The following PTCH1 variants were observed in gnomAD, a reference collection of about 807,000 sequenced individuals.
The protein encoded by PTCH1 is protein patched homolog 1.
A neutral mutation model predicts 144.6 loss-of-function variants in PTCH1; 14 were observed. The observed-to-expected ratio is 0.10, with a 90% CI of 0.06 to 0.15. The LOEUF is 0.15. PTCH1 is among the 10% of genes least tolerant of loss of function. The pLI is 1.00. For missense variants in PTCH1, 1,623 were observed against 1,948.3 expected (o/e 0.83, Z 3.14); for synonymous variants, 833 against 793.6 (o/e 1.05, Z -0.83).
chr9:95,478,593 G>A (rs752107574), intron 8 of PTCH1, among the ~76,000 whole-genome samples: 6 of 152,276 alleles, frequency 3.9e-5, no homozygotes, highest in East Asian at 1.9e-4. Context: ...CTTTTAAAAG[G>A]TCACATGCAG....
chr9:95,506,195 G>A (rs191867316), intron 2 of PTCH1: 6 of 409,444 alleles, frequency 1.5e-5, no homozygotes, highest in Middle Eastern at 7.5e-4. Flanking sequence ...ACCACACCTC[G>A]GCCGGCGCAG....
chr9:95,453,405 C>T (rs1407931507), intron 20 of PTCH1, 73 bp downstream of exon 20: 13 of 1,602,780 alleles, frequency 8.1e-6, no homozygotes, highest in Admixed American at 1.7e-5. Context: ...GCTGGGATTA[C>T]AGGCGTGAGC....
chr9:95,447,588 A>G lies in PTCH1; in HGVS notation c.3805-137T>C. ...AGCCAATGGGGGCCTTCCACCCACAAAAGAAAAGCCTGTCCTTCTAATAAC... is the reference window on the plus strand; with the variant it reads ...AGCCAATGGGGGCCTTCCACCCACAGAAGAAAAGCCTGTCCTTCTAATAAC... On this transcript the variant is annotated intron_variant, in intron 22 of 23. Transcript: ENST00000331920. The G allele has an allele frequency of 9.9e-6, 9 of 906,442 alleles. No homozygotes were observed. In the South Asian group the frequency reaches 1.1e-4, roughly 11 times the overall value. The allele number at this position is 906,442 out of a possible 1,614,324, so 56.1% of individuals were successfully genotyped here.
At chr9:95,474,521 T>C (rs1840868701) in intron 12 of PTCH1, among the ~76,000 whole-genome samples, 1 of 152,240 alleles carries the variant, frequency 6.6e-6, no homozygotes, top group South Asian at 2.1e-4. Flanking sequence ...TTTACTTCTA[T>C]ATAAATTTAT....
Position 95,444,452 on chromosome 9 carries a change from G to C in PTCH1, c.*1941C>G, listed in dbSNP as rs943367274. On this transcript the variant is annotated 3_prime_UTR_variant, in exon 24 of 24. Coordinates refer to ENST00000331920, the MANE Select transcript of PTCH1 (RefSeq NM_000264.5). The stretch of plus-strand genomic sequence containing the variant: ...AGACCATGTGGGTGACAGGCACCAA[G>C]ACAGCAGCAGGGGGGTGGCCAGGGT... 1 of 153,552 alleles carries C rather than the reference G, an allele frequency of 6.5e-6. No homozygotes were observed. Among genetic ancestry groups the C allele is most frequent in the African/African-American group, 2.4e-5 (1 of 41,392 alleles). The allele number at this position is 153,552 out of a possible 1,614,324, so 9.5% of individuals were successfully genotyped here. A position where few individuals can be genotyped will look rare whatever the true frequency, so the allele number is the denominator to read the frequency against.
intron 2 of PTCH1, among the ~76,000 whole-genome samples, chr9:95,487,093 C>T (rs1278213725): frequency 6.6e-6 from 1 of 152,122 alleles, no homozygotes; most frequent in African/African-American, 2.4e-5. Flanking sequence ...CTGGGAACAG[C>T]GGGTTGTTTA....
In PTCH1 at chr9:95,449,625, C is replaced by T. The variant is rs1838277346; in HGVS notation, c.3549+216G>A. 1.5e-6 allele frequency: 1 copy of T among 650,864 alleles called. No individual in the cohort carries two copies. The highest frequency in any genetic ancestry group is 1.8e-5 in the African/African-American group (1 of 54,836). The allele number at this position is 650,864 out of a possible 1,614,324, so 40.3% of individuals were successfully genotyped here. A position where few individuals can be genotyped will look rare whatever the true frequency, so the allele number is the denominator to read the frequency against. On this transcript the variant is annotated intron_variant, in intron 21 of 23. Coordinates refer to ENST00000331920, the MANE Select transcript of PTCH1 (RefSeq NM_000264.5). This position sits in a 1 kb window ranked among gnomAD's most constrained non-coding sequence, Gnocchi z 5.3. ...TTACTGTATAAAGATCTGTAAGACC[C>T]AGGCTGCCAATCAGTTGATTTAGAG...
rs556238306 is a variant in PTCH1, at chr9:95,473,754, G to A, written c.1728+2280C>T. On this transcript the variant is annotated intron_variant, in intron 12 of 23. Coordinates refer to ENST00000331920, the MANE Select transcript of PTCH1 (RefSeq NM_000264.5). ...AGACGGGGTTTCACCATGTTGGCCA[G>A]GATGGTCTCGATCTCCTGACCTCGT... Among the ~76,000 whole-genome samples, 4 of 152,222 alleles carry A rather than the reference G, an allele frequency of 2.6e-5. No homozygotes were observed. The East Asian group carries it at 7.7e-4, about 29-fold the overall frequency.
At chr9:95,465,621 T>C (rs1449578048) in intron 15 of PTCH1, among the ~76,000 whole-genome samples, 1 of 152,196 alleles carries the variant, frequency 6.6e-6, no homozygotes, top group Non-Finnish European at 1.5e-5. Context: ...TATGGAACCA[T>C]CCTCTACCAA....
intron 2 of PTCH1, among the ~76,000 whole-genome samples, chr9:95,488,507 T>C (rs1459849662): frequency 6.6e-6 from 1 of 151,980 alleles, no homozygotes; most frequent in African/African-American, 2.4e-5. Context: ...TAACCAAATA[T>C]GAATGTTTTG....
intron 12 of PTCH1, among the ~76,000 whole-genome samples, chr9:95,474,473 G>C (rs1050289242): frequency 2.0e-5 from 3 of 152,150 alleles, no homozygotes; most frequent in Non-Finnish European, 4.4e-5. Flanking sequence ...GCTTTGGTTC[G>C]AGCATCAGAT....
chr9:95,477,968 T>C (rs566400966), intron 9 of PTCH1, 87 bp downstream of exon 9: 2 of 1,597,520 alleles, frequency 1.3e-6, no homozygotes, highest in Admixed American at 3.3e-5. Flanking sequence ...TTAAGAGCAG[T>C]TAAGAAGCAG....
At chr9:95,483,231 C>T (rs1460163030) in intron 3 of PTCH1, 1 of 151,696 alleles carries the variant, frequency 6.6e-6, no homozygotes, top group Non-Finnish European at 1.5e-5. Flanking sequence ...TGCTCCACTG[C>T]ACTCCAGCCT....
At chr9:95,448,311 G>A (rs1838142026) in intron 22 of PTCH1, among the ~76,000 whole-genome samples, 1 of 152,212 alleles carries the variant, frequency 6.6e-6, no homozygotes, top group Non-Finnish European at 1.5e-5. Context: ...TCTGGCCTGG[G>A]ACTGGAATAC....
At chr9:95,511,353 TC>T (rs1362373614), upstream of PTCH1, among the ~76,000 whole-genome samples, 1 of 151,332 alleles carries the variant, frequency 6.6e-6, no homozygotes, top group Non-Finnish European at 1.5e-5. Context: ...CCACCTTCCC[TC>T]CAGCCTCTCC....
At chr9:95,516,546 C>G (rs1389646449) in exon 1 of PTCH1, 5 of 1,540,764 alleles carry the variant, frequency 3.2e-6, no homozygotes, top group Non-Finnish European at 4.4e-6. Flanking sequence ...ACATCAATTC[C>G]TTTTTTTTCC....
At chr9:95,516,820 T>A in exon 1 of PTCH1, 5 of 1,600,576 alleles carry the variant, frequency 3.1e-6, no homozygotes, top group Non-Finnish European at 4.3e-6. Context: ...AGCAGTTCCA[T>A]GGCCCTCGGC....
At chr9:95,488,455 A>G (rs1842144978) in intron 2 of PTCH1, among the ~76,000 whole-genome samples, 6 of 152,188 alleles carry the variant, frequency 3.9e-5, no homozygotes, top group Admixed American at 3.9e-4. Flanking sequence ...TCACTTTTAC[A>G]TATTATATGG....
At chr9:95,503,767 A>T (rs1843320382) in intron 2 of PTCH1, among the ~76,000 whole-genome samples, 1 of 58,164 alleles carries the variant, frequency 1.7e-5, no homozygotes, top group Admixed American at 1.1e-4. Context: ...CTGTAATCCC[A>T]GCACTTTGGG....
Sources: gnomAD v4.1 joint callset for allele counts (sites outside exome capture counted in the v4.1 genomes callset) on GRCh38, gnomAD v4.1.1 for gene constraint, Gnocchi (gnomAD v3.1) non-coding constraint, MANE v1.5 for transcripts, NCBI Gene and HGNC (gene_info 2026-07-23, HGNC 2026-07-21) for gene names.